The following PFKM variants were observed in gnomAD, a reference collection of about 807,000 sequenced individuals.
The protein encoded by PFKM is ATP-dependent 6-phosphofructokinase, muscle type.
A neutral mutation model predicts 95.5 loss-of-function variants in PFKM; 58 were observed. The ratio of observed to expected loss-of-function variants is 0.61; its 90% CI spans 0.49 to 0.76. The LOEUF (loss-of-function observed/expected upper bound fraction) is 0.76. Among genes scored for constraint, PFKM ranks in the 30% least tolerant of loss-of-function variants. The probability of loss-of-function intolerance (pLI) is 0.00; values close to 1 mark genes in which losing one functional copy is unlikely to be tolerated. For synonymous variants in PFKM, 336 were observed against 357.2 expected (o/e 0.94, Z 0.67); for missense variants, 678 against 1,005.4 (o/e 0.67, Z 4.40).
chr12:48,139,071 A>AT (rs1950354542), intron 11 of PFKM, among the ~76,000 whole-genome samples: 1 of 152,210 alleles, frequency 6.6e-6, no homozygotes, highest in Admixed American at 6.5e-5. Flanking sequence ...AGAGCATAGA[A>AT]TCAGTTCTTT....
Position 48,122,472 on chromosome 12 carries a change from CT to C in PFKM, c.-8-291del, listed in dbSNP as rs758986995. On this transcript the variant is annotated intron_variant, in intron 1 of 22. Coordinates refer to ENST00000359794, the MANE Select transcript of PFKM (RefSeq NM_000289.6). ...TCTCATTTCTATTCAGTCAACTTCT[CT>C]TTTCCCTGACCTTAGTTTATTCCCC... The C allele has an allele frequency of 6.3e-5, 48 of 756,394 alleles. No homozygotes were observed. The South Asian group carries it at 1.0e-3, about 16-fold the overall frequency. The allele number at this position is 756,394 out of a possible 1,614,324, so 46.9% of individuals were successfully genotyped here.
At chr12:48,119,682 C>T (rs1322853003) in intron 1 of PFKM, 1 of 152,320 alleles carries the variant, frequency 6.6e-6, no homozygotes, top group Non-Finnish European at 1.5e-5. Flanking sequence ...CTGCCTGACC[C>T]TACCCTGGCA....
chr12:48,119,814 G>C (rs1462010406), intron 1 of PFKM: 3 of 152,222 alleles, frequency 2.0e-5, no homozygotes, highest in Non-Finnish European at 2.9e-5. Context: ...GTCTACGTGC[G>C]TGTCATTGTG....
rs1392144132 is a variant in PFKM, at chr12:48,142,935, C to G, written c.1807C>G (p.Arg603Gly). The G allele has an allele frequency of 6.2e-7, 1 of 1,613,688 alleles. No homozygotes were observed. Among genetic ancestry groups the G allele is most frequent in the Admixed American group, 1.7e-5 (1 of 59,994 alleles). The change falls in exon 18 of 23, where the codon CGA becomes GGA. Residue 603 changes from arginine to glycine, a missense_variant. Physicochemically the swap from Arg to Gly is moderately radical, Grantham distance 125. Coordinates refer to ENST00000359794, the MANE Select transcript of PFKM (RefSeq NM_000289.6). Reference protein sequence around the residue: ...AYIFEEPFTIRDLQANVEHLV... With the variant: ...AYIFEEPFTIGDLQANVEHLV... ...CATTTTTGAGGAGCCCTTCACCATT[C>G]GAGACCTGCAGGTAGCTGGCCACCC...
chr12:48,142,150 C>G, intron 17 of PFKM, 84 bp downstream of exon 17: 1 of 1,287,588 alleles, frequency 7.8e-7, no homozygotes, highest in Non-Finnish European at 1.1e-6. Context: ...GTGAGCTACT[C>G]TTTATATCAA....
At chr12:48,115,151 T>C (rs1400130248), upstream of PFKM, among the ~76,000 whole-genome samples, 1 of 151,958 alleles carries the variant, frequency 6.6e-6, no homozygotes, top group Non-Finnish European at 1.5e-5. Flanking sequence ...CCTGTGGAGA[T>C]CAGACACCAA....
rs562635071 is a variant in PFKM, at chr12:48,106,372, T to G, written c.-10+235T>G. 649 of 481,640 alleles carry G rather than the reference T, an allele frequency of 1.3e-3. 12 individuals are homozygous for G. The South Asian group carries it at 0.018, about 14-fold the overall frequency. 29.8% of individuals were successfully genotyped at this position (481,640 alleles called of 1,614,324 possible). A position where few individuals can be genotyped will look rare whatever the true frequency, so the allele number is the denominator to read the frequency against. Reference sequence around the variant, plus strand: ...CCCTCTGCTCCCTTACCCGCCGCCTTCTGGTTCCGCCCGGCGAGTTTTGCT... The same window carrying G: ...CCCTCTGCTCCCTTACCCGCCGCCTGCTGGTTCCGCCCGGCGAGTTTTGCT... On this transcript the variant is annotated intron_variant, in intron 1 of 24. Coordinates refer to the PFKM transcript ENST00000340802.
chr12:48,132,472 AT>A (rs1234228286), intron 4 of PFKM, among the ~76,000 whole-genome samples: 1 of 152,198 alleles, frequency 6.6e-6, no homozygotes, highest in African/African-American at 2.4e-5. Context: ...CCTAATAATA[AT>A]TTGGACACAA....
chr12:48,143,659 CTCTT>C (rs1433022668), intron 18 of PFKM, 90 bp from the exon 19 acceptor site: 2 of 900,682 alleles, frequency 2.2e-6, no homozygotes, highest in Non-Finnish European at 3.8e-6. Context: ...TTCCATGTGT[CTCTT>C]CCTTCCTGGA....
At chr12:48,107,948 T>C in intron 2 of PFKM, 1 of 903,056 alleles carries the variant, frequency 1.1e-6, no homozygotes. Flanking sequence ...TCTCTAATTT[T>C]TCACTGGATT....
intron 3 of PFKM, among the ~76,000 whole-genome samples, chr12:48,111,794 G>C (rs556951021): frequency 6.6e-6 from 1 of 152,290 alleles, no homozygotes; most frequent in East Asian, 1.9e-4. Context: ...AATGTGGGAG[G>C]CCGGATGGAA....
intron 4 of PFKM, 105 bp downstream of exon 4, chr12:48,131,498 G>T: frequency 1.2e-6 from 1 of 851,466 alleles, no homozygotes; most frequent in Non-Finnish European, 2.0e-6. Flanking sequence ...TGGTTTCATG[G>T]GAAGGAATTC....
At chr12:48,114,435 C>T (rs117801136), upstream of PFKM, among the ~76,000 whole-genome samples, 441 of 152,090 alleles carry the variant, frequency 2.9e-3, 7 homozygotes, top group East Asian at 0.018. Flanking sequence ...AGTCCTAGGA[C>T]GAAACTGTAA....
intron 2 of PFKM, among the ~76,000 whole-genome samples, chr12:48,124,799 GA>G (rs766613531): frequency 7.2e-5 from 11 of 152,184 alleles, no homozygotes; most frequent in Non-Finnish European, 1.5e-4. Flanking sequence ...AAATTCTATG[GA>G]GGCAAGGAGG....
At chr12:48,125,081 A>G (rs550409070) in intron 2 of PFKM, among the ~76,000 whole-genome samples, 242 of 152,288 alleles carry the variant, frequency 1.6e-3, no homozygotes, top group Non-Finnish European at 2.8e-3. Context: ...ATGGCCAGGA[A>G]TCAGACATCC....
At chr12:48,138,037 C>T (rs906109584) in intron 11 of PFKM, among the ~76,000 whole-genome samples, 191 bp downstream of exon 11, 1 of 152,148 alleles carries the variant, frequency 6.6e-6, no homozygotes, top group African/African-American at 2.4e-5. Context: ...TCAGTGTTCC[C>T]ATCTGTAAAA....
At chr12:48,114,458 G>T (rs372820426), upstream of PFKM, among the ~76,000 whole-genome samples, 1 of 152,214 alleles carries the variant, frequency 6.6e-6, no homozygotes, top group African/African-American at 2.4e-5. Flanking sequence ...CGGACCGGGT[G>T]TGGGGAGGGG....
intron 3 of PFKM, chr12:48,108,251 T>C: frequency 6.5e-7 from 1 of 1,533,490 alleles, no homozygotes; most frequent in Non-Finnish European, 8.9e-7. Context: ...AAAGTGAAAG[T>C]TGTATGCATA....
At chr12:48,110,294 T>G (rs1947067118) in intron 3 of PFKM, among the ~76,000 whole-genome samples, 1 of 152,176 alleles carries the variant, frequency 6.6e-6, no homozygotes, top group Admixed American at 6.5e-5. Context: ...ACAGGTGGTG[T>G]AAGAGCCAGA....
Sources: gnomAD v4.1 joint callset for allele counts (sites outside exome capture counted in the v4.1 genomes callset) on GRCh38, gnomAD v4.1.1 for gene constraint, MANE v1.5 for transcripts, NCBI Gene and HGNC (gene_info 2026-07-23, HGNC 2026-07-21) for gene names.